PGBD2: variants seen among roughly 807,000 people sequenced by gnomAD.
The protein encoded by PGBD2 is piggyBac transposable element-derived protein 2.
In PGBD2, 6 loss-of-function variants were observed where a neutral mutation model predicts 8.1. That is an observed-to-expected ratio of 0.74 (90% CI 0.40 to 1.46). PGBD2 has a LOEUF of 1.46. Among genes scored for constraint, PGBD2 ranks in the 40% most tolerant of loss-of-function variants. The pLI, the probability that PGBD2 is intolerant of heterozygous loss-of-function variation, is 0.02. For synonymous variants in PGBD2, 318 were observed against 272.2 expected (o/e 1.17, Z -1.66); for missense variants, 802 against 739.0 (o/e 1.09, Z -0.99).
the PGBD2 span, among the ~76,000 whole-genome samples, chr1:248,883,619 G>T: frequency 7.5e-5 from 7 of 93,636 alleles, no homozygotes; most frequent in South Asian, 1.1e-3. Context: ...ACAGAGTCTT[G>T]CTCCTGTCGC....
upstream of PGBD2, among the ~76,000 whole-genome samples, chr1:248,904,733 G>T (rs914136947): frequency 6.6e-6 from 1 of 152,018 alleles, no homozygotes; most frequent in African/African-American, 2.4e-5. Flanking sequence ...CATATTCTTT[G>T]GCTTTTCCCT....
Position 248,917,173 on chromosome 1 carries a change from A to C in PGBD2, c.589A>C (p.Arg197=), listed in dbSNP as rs772015105. The C allele has an allele frequency of 6.2e-7, 1 of 1,614,140 alleles. No individual in the cohort carries two copies. The highest frequency in any genetic ancestry group is 2.2e-5 in the East Asian group (1 of 44,884). ...ILSGYISYPR[R]RMFWETSPDS... is the part of the protein sequence containing the mutation. ...AAGTGGGTACATCTCTTATCCAAGG[A>C]GAAGGATGTTCTGGGAAACCTCTCC... Residue 197 remains arginine (R), a synonymous_variant, in exon 3 of 3, where the codon AGA becomes CGA. Coordinates refer to ENST00000329291, the MANE Select transcript of PGBD2 (RefSeq NM_170725.3).
At chr1:248,924,712 G>A (rs1247171849), downstream of PGBD2, among the ~76,000 whole-genome samples, 1 of 152,192 alleles carries the variant, frequency 6.6e-6, no homozygotes, top group Non-Finnish European at 1.5e-5. Context: ...TTTTGTTTCT[G>A]TCTCTTTAAC....
Position 248,918,416 on chromosome 1 carries a change from A to G in PGBD2, c.*53A>G. On this transcript the variant is annotated 3_prime_UTR_variant, in exon 3 of 3. Coordinates refer to ENST00000329291, the MANE Select transcript of PGBD2 (RefSeq NM_170725.3). ...TAATGAGATGTTTACAGTTAAATAC[A>G]GATGGCAGTTGAGCACTTCTGTTTT... 1.3e-6 allele frequency: 2 copies of G among 1,488,080 alleles called. No individual in the cohort carries two copies. Among genetic ancestry groups the G allele is most frequent in the Non-Finnish European group, 1.8e-6 (2 of 1,112,764 alleles). 92.2% of individuals were successfully genotyped at this position (1,488,080 alleles called of 1,614,324 possible).
chr1:248,929,715 A>C, the PGBD2 span, among the ~76,000 whole-genome samples: 1 of 152,352 alleles, frequency 6.6e-6, no homozygotes, highest in East Asian at 1.9e-4. Context: ...GGACCACTTA[A>C]TAACCTGCAA....
the PGBD2 span, among the ~76,000 whole-genome samples, chr1:248,892,954 T>A: frequency 1.3e-5 from 2 of 152,244 alleles, no homozygotes; most frequent in African/African-American, 4.8e-5. Context: ...CATACGTTGT[T>A]GCTTGGAAAA....
the PGBD2 span, among the ~76,000 whole-genome samples, chr1:248,893,409 C>G: frequency 1.3e-5 from 2 of 152,158 alleles, no homozygotes; most frequent in African/African-American, 4.8e-5. Flanking sequence ...AACCAGGATT[C>G]TATTGCCTAC....
At chr1:248,890,222 G>C in the PGBD2 span, among the ~76,000 whole-genome samples, 1 of 152,032 alleles carries the variant, frequency 6.6e-6, no homozygotes, top group South Asian at 2.1e-4. Context: ...CTCTGCACCC[G>C]GCCTGAATCC....
rs1662198867 is a variant in PGBD2, at chr1:248,918,410, A to C, written c.*47A>C. On this transcript the variant is annotated 3_prime_UTR_variant, in exon 3 of 3. Coordinates refer to ENST00000329291, the MANE Select transcript of PGBD2 (RefSeq NM_170725.3). ...GGTTTATAATGAGATGTTTACAGTT[A>C]AATACAGATGGCAGTTGAGCACTTC... The C allele has an allele frequency of 6.7e-7, 1 of 1,498,382 alleles. No individual in the cohort carries two copies. The allele number at this position is 1,498,382 out of a possible 1,614,324, so 92.8% of individuals were successfully genotyped here.
chr1:248,905,765 T>C (rs1358594282), upstream of PGBD2, among the ~76,000 whole-genome samples: 1 of 151,796 alleles, frequency 6.6e-6, no homozygotes, highest in Admixed American at 6.6e-5. Flanking sequence ...AGAGTGGAGG[T>C]TGAGAAACCC....
At chr1:248,898,029 C>A in the PGBD2 span, among the ~76,000 whole-genome samples, 1 of 152,188 alleles carries the variant, frequency 6.6e-6, no homozygotes, top group Admixed American at 6.5e-5. Context: ...GTGGGGCCTC[C>A]CTGTGGGAAT....
At chr1:248,882,330 TC>T in the PGBD2 span, among the ~76,000 whole-genome samples, 5 of 152,176 alleles carry the variant, frequency 3.3e-5, no homozygotes, top group African/African-American at 9.7e-5. Context: ...TAACATAACA[TC>T]TGTATGCAGA....
chr1:248,874,879 C>T, the PGBD2 span, among the ~76,000 whole-genome samples: 1 of 149,624 alleles, frequency 6.7e-6, no homozygotes, highest in African/African-American at 2.5e-5. Flanking sequence ...TCTCTCTCTT[C>T]CAAGGTAGAT....
At chr1:248,882,713 G>A in the PGBD2 span, among the ~76,000 whole-genome samples, 1 of 152,270 alleles carries the variant, frequency 6.6e-6, no homozygotes, top group South Asian at 2.1e-4. Flanking sequence ...CTGTTTTCCT[G>A]GGATAGGAAT....
intron 2 of PGBD2, chr1:248,914,670 T>C: frequency 8.8e-7 from 1 of 1,136,974 alleles, no homozygotes; most frequent in Non-Finnish European, 1.2e-6. Flanking sequence ...TGCAGGGACC[T>C]CTGTGCCTAC....
intron 1 of PGBD2, 110 bp from the exon 2 acceptor site, chr1:248,913,706 G>T: frequency 2.9e-6 from 2 of 693,146 alleles, no homozygotes; most frequent in Admixed American, 2.2e-5. Flanking sequence ...CACTATTAAG[G>T]TGGTGAATCT....
chr1:248,885,784 G>C, the PGBD2 span, among the ~76,000 whole-genome samples: 2 of 152,230 alleles, frequency 1.3e-5, no homozygotes, highest in East Asian at 3.8e-4. Flanking sequence ...TGCATTGAGA[G>C]ATCTGTAATA....
At chr1:248,928,218 G>A in the PGBD2 span, among the ~76,000 whole-genome samples, 3 of 152,100 alleles carry the variant, frequency 2.0e-5, no homozygotes, top group Non-Finnish European at 4.4e-5. Context: ...CTGAAACTTG[G>A]TATCTAGAGA....
chr1:248,891,286 C>T, the PGBD2 span, among the ~76,000 whole-genome samples: 1 of 152,112 alleles, frequency 6.6e-6, no homozygotes, highest in African/African-American at 2.4e-5. Context: ...GTATTAGCCT[C>T]TTCTCTACAA....
Sources: gnomAD v4.1 joint callset for allele counts (sites outside exome capture counted in the v4.1 genomes callset) on GRCh38, gnomAD v4.1.1 for gene constraint, MANE v1.5 for transcripts, NCBI Gene and HGNC (gene_info 2026-07-23, HGNC 2026-07-21) for gene names.